DCC: variants seen among roughly 807,000 people sequenced by gnomAD.
DCC encodes netrin receptor DCC.
In DCC, 58 loss-of-function variants were observed where a neutral mutation model predicts 172.5. The observed-to-expected ratio is 0.34, with a 90% CI of 0.27 to 0.42. The LOEUF (loss-of-function observed/expected upper bound fraction) is 0.42, where lower values mean the gene tolerates loss of function less well. Ranked by LOEUF, DCC falls within the 10% of genes least tolerant of loss-of-function variation. DCC has a pLI of 1.00. For synonymous variants in DCC, 709 were observed against 644.5 expected (o/e 1.10, Z -1.52); for missense variants, 1,740 against 1,791.0 (o/e 0.97, Z 0.51).
intron 21 of DCC, among the ~76,000 whole-genome samples, chr18:53,431,128 A>G (rs1911583439): frequency 1.3e-5 from 2 of 152,084 alleles, no homozygotes; most frequent in Admixed American, 6.6e-5. Context: ...GAATAACTCA[A>G]AACAGCTACA....
At chr18:53,409,269 A>G (rs893739511) in intron 19 of DCC, among the ~76,000 whole-genome samples, 4 of 152,186 alleles carry the variant, frequency 2.6e-5, no homozygotes, top group Non-Finnish European at 5.9e-5. Flanking sequence ...CCTCTGACAT[A>G]ACCCTTAACC....
At chr18:52,427,300 T>G (rs897413099) in intron 1 of DCC, among the ~76,000 whole-genome samples, 1 of 152,062 alleles carries the variant, frequency 6.6e-6, no homozygotes, top group Non-Finnish European at 1.5e-5. Flanking sequence ...GATCAATATA[T>G]CCCTTTCCCC....
At chr18:53,468,380 T>TTTATTTATTTATTTATTTTA (rs1555675979) in intron 25 of DCC, among the ~76,000 whole-genome samples, 2 of 135,152 alleles carry the variant, frequency 1.5e-5, no homozygotes, top group Admixed American at 7.2e-5. Context: ...TATTTATTTA[T>TTTATTTATTTATTTATTTTA]TTTATTTATT....
intron 2 of DCC, among the ~76,000 whole-genome samples, chr18:52,898,825 T>C (rs1020277929): frequency 3.9e-5 from 6 of 152,186 alleles, no homozygotes; most frequent in Non-Finnish European, 8.8e-5. Flanking sequence ...TGAGGAAATA[T>C]GTATTGGTCT....
At chr18:53,331,901 CT>C (rs1388511388) in intron 14 of DCC, among the ~76,000 whole-genome samples, 1 of 152,138 alleles carries the variant, frequency 6.6e-6, no homozygotes, top group Non-Finnish European at 1.5e-5. Flanking sequence ...GGTCTCTTCC[CT>C]AAAAAATACT....
chr18:52,455,627 C>T (rs1251593811), intron 1 of DCC, among the ~76,000 whole-genome samples: 1 of 152,166 alleles, frequency 6.6e-6, no homozygotes, highest in Non-Finnish European at 1.5e-5. Flanking sequence ...GGCAATTCAG[C>T]ATGGCCTGGT....
chr18:53,206,262 A>T lies in DCC; in HGVS notation c.1722+898A>T, dbSNP rs193133531. ...TATACATAATACATATATACCACAT[A>T]TATGTATTATAACACATATATACCA... On this transcript the variant is annotated intron_variant, in intron 10 of 28. Coordinates refer to ENST00000442544, the MANE Select transcript of DCC (RefSeq NM_005215.4). Among the ~76,000 whole-genome samples the T allele has an allele frequency of 2.2e-3, 296 of 135,538 alleles. 3 individuals are homozygous for T. Among genetic ancestry groups the T allele is most frequent in the African/African-American group, 7.5e-3 (280 of 37,532 alleles). The allele number at this position is 135,538 out of a possible 152,430, so 88.9% of individuals were successfully genotyped here. A position where few individuals can be genotyped will look rare whatever the true frequency, so the allele number is the denominator to read the frequency against.
intron 21 of DCC, among the ~76,000 whole-genome samples, chr18:53,428,982 T>TAAC: frequency 1.4e-5 from 1 of 70,128 alleles, no homozygotes; most frequent in African/African-American, 5.1e-5. Context: ...AACATATATA[T>TAAC]ATTTTATATA....
intron 12 of DCC, among the ~76,000 whole-genome samples, chr18:53,289,086 G>A (rs2056968356): frequency 6.6e-6 from 1 of 152,068 alleles, no homozygotes; most frequent in Non-Finnish European, 1.5e-5. Flanking sequence ...TCAACCTGCT[G>A]ATCAGCCTTT....
At chr18:53,304,692 A>G (rs2057179189) in intron 12 of DCC, among the ~76,000 whole-genome samples, 1 of 152,194 alleles carries the variant, frequency 6.6e-6, no homozygotes, top group Admixed American at 6.5e-5. Context: ...CCCCTCCTTC[A>G]GGACTATGCT....
rs570652119 is a variant in DCC at position 52,638,940 on chromosome 18, G to A, written c.92-113114G>A. 2.0e-5 allele frequency among the ~76,000 whole-genome samples: 3 copies of A among 152,032 alleles called. No homozygotes were observed. The South Asian group carries it at 6.2e-4, about 32-fold the overall frequency. Reference sequence around the variant, plus strand: ...AATGCATGGAACTTTCTCCAAGATAGACCATATGACAGGCCATTCTCTCTC... The same window carrying A: ...AATGCATGGAACTTTCTCCAAGATAAACCATATGACAGGCCATTCTCTCTC... On this transcript the variant is annotated intron_variant, in intron 1 of 28. Transcript: ENST00000442544.
At chr18:52,694,333 C>T (rs1381104485) in intron 1 of DCC, among the ~76,000 whole-genome samples, 1 of 151,838 alleles carries the variant, frequency 6.6e-6, no homozygotes, top group African/African-American at 2.4e-5. Context: ...CTGATTAGAT[C>T]CTGAGGAAAC....
chr18:52,591,890 A>G (rs2033809781), intron 1 of DCC, among the ~76,000 whole-genome samples: 1 of 149,162 alleles, frequency 6.7e-6, no homozygotes, highest in Non-Finnish European at 1.5e-5. Context: ...CTAGGATTAC[A>G]TGCCCCACCA....
At chr18:53,189,364 T>C (rs1294631742) in intron 9 of DCC, among the ~76,000 whole-genome samples, 1 of 151,990 alleles carries the variant, frequency 6.6e-6, no homozygotes, top group Non-Finnish European at 1.5e-5. Context: ...CTGTGGTCAA[T>C]GTTAGTAAGT....
chr18:53,164,922 A>G (rs1236624228), intron 8 of DCC, among the ~76,000 whole-genome samples: 1 of 152,176 alleles, frequency 6.6e-6, no homozygotes, highest in African/African-American at 2.4e-5. Context: ...ACTGAAAAAT[A>G]TTGCTAAGAA....
At chr18:52,619,777 G>A (rs144619687) in intron 1 of DCC, among the ~76,000 whole-genome samples, 98 of 152,152 alleles carry the variant, frequency 6.4e-4, no homozygotes, top group Middle Eastern at 3.4e-3. Context: ...AAGAATCCAC[G>A]TCAAGAAAGC....
chr18:52,776,560 A>T (rs1031276519), intron 2 of DCC, among the ~76,000 whole-genome samples: 1 of 152,170 alleles, frequency 6.6e-6, no homozygotes, highest in African/African-American at 2.4e-5. Flanking sequence ...CAAATATATA[A>T]AATAACATCC....
intron 1 of DCC, among the ~76,000 whole-genome samples, chr18:52,705,306 A>T (rs1187587066): frequency 2.0e-5 from 3 of 152,156 alleles, no homozygotes; most frequent in Non-Finnish European, 4.4e-5. Context: ...CCCAAAATAG[A>T]TTTATGGGAA....
intron 1 of DCC, among the ~76,000 whole-genome samples, chr18:52,743,166 A>T (rs2036849827): frequency 6.6e-6 from 1 of 152,216 alleles, no homozygotes; most frequent in Non-Finnish European, 1.5e-5. Flanking sequence ...AGAAAATCTC[A>T]TGCACTGGGT....
Sources: gnomAD v4.1 joint callset for allele counts (sites outside exome capture counted in the v4.1 genomes callset) on GRCh38, gnomAD v4.1.1 for gene constraint, MANE v1.5 for transcripts, NCBI Gene and HGNC (gene_info 2026-07-23, HGNC 2026-07-21) for gene names.